Variants in AHI1 observed in about 807,000 individuals in gnomAD.
AHI1 encodes the protein jouberin.
Under a neutral mutation model 149.3 loss-of-function variants are expected in AHI1, and 123 were observed. The observed-to-expected ratio is 0.82, with a 90% CI of 0.71 to 0.96. The LOEUF is 0.96. AHI1 is among the 40% of genes least tolerant of loss of function. The pLI, the probability that AHI1 is intolerant of heterozygous loss-of-function variation, is 0.00. For synonymous variants in AHI1, 475 were observed against 459.8 expected, an observed-to-expected ratio of 1.03 and a Z score of -0.42; for missense variants, 1,439 against 1,422.7, an observed-to-expected ratio of 1.01 and a Z score of -0.18.
At chr6:135,448,754 C>T (rs578103157) in intron 11 of AHI1, among the ~76,000 whole-genome samples, 16 of 152,168 alleles carry the variant, frequency 1.1e-4, no homozygotes, top group African/African-American at 3.9e-4. Context: ...CATTACTGTG[C>T]CAGATTTCAC....
chr6:135,432,993 C>T (rs1351104612), intron 16 of AHI1, 34 bp downstream of exon 16: 1 of 1,525,496 alleles, frequency 6.6e-7, no homozygotes, highest in Non-Finnish European at 9.1e-7. Flanking sequence ...AAATTCTTCA[C>T]ATAGCTGGTC....
chr6:135,350,594 A>G (rs1376788156), intron 24 of AHI1, among the ~76,000 whole-genome samples: 1 of 152,188 alleles, frequency 6.6e-6, no homozygotes, highest in East Asian at 1.9e-4. Flanking sequence ...AAAATTCCAA[A>G]TTGGGATAAC....
intron 22 of AHI1, among the ~76,000 whole-genome samples, chr6:135,398,416 C>G (rs1779560844): frequency 6.6e-6 from 1 of 152,104 alleles, no homozygotes; most frequent in Admixed American, 6.6e-5. Context: ...CCAGAAAAAT[C>G]TTACCCCCAA....
intron 26 of AHI1, among the ~76,000 whole-genome samples, chr6:135,314,587 C>A (rs1023183140): frequency 3.3e-5 from 5 of 152,238 alleles, no homozygotes; most frequent in Non-Finnish European, 5.9e-5. Context: ...GTATCCCTTA[C>A]AGTCCTTACA....
At chr6:135,443,865 G>A (rs1786724542) in intron 13 of AHI1, among the ~76,000 whole-genome samples, 1 of 152,094 alleles carries the variant, frequency 6.6e-6, no homozygotes, top group South Asian at 2.1e-4. Context: ...GGAGAGGAGG[G>A]TAACAAGGTA....
At chr6:135,469,028 C>G (rs1166107695) in intron 5 of AHI1, among the ~76,000 whole-genome samples, 3 of 152,112 alleles carry the variant, frequency 2.0e-5, no homozygotes, top group Non-Finnish European at 2.9e-5. Context: ...CATCCGGATA[C>G]CAAAACCTGG....
intron 20 of AHI1, among the ~76,000 whole-genome samples, chr6:135,420,354 G>A (rs939617068): frequency 1.3e-5 from 2 of 152,224 alleles, no homozygotes; most frequent in South Asian, 4.1e-4. Flanking sequence ...ATACTAAGAC[G>A]TGAAAGTCAA....
chr6:135,431,639 T>A (rs779067450), intron 16 of AHI1, among the ~76,000 whole-genome samples: 1 of 152,190 alleles, frequency 6.6e-6, no homozygotes, highest in Non-Finnish European at 1.5e-5. Context: ...ATTTGAACCA[T>A]CCGACATGTA....
At chr6:135,310,158 G>C (rs1211782188) in intron 26 of AHI1, among the ~76,000 whole-genome samples, 1 of 151,908 alleles carries the variant, frequency 6.6e-6, no homozygotes, top group Non-Finnish European at 1.5e-5. Context: ...ATTTGTTGTT[G>C]GACTTAATAT....
intron 23 of AHI1, among the ~76,000 whole-genome samples, chr6:135,374,088 ATATATATATATATATATATATTT>A (rs1775480216): frequency 3.5e-5 from 1 of 28,490 alleles, no homozygotes; most frequent in Non-Finnish European, 6.6e-5. Context: ...ATACATATAT[ATATATATATATATATATATATTT>A]TTTTTTTTTT....
intron 5 of AHI1, 72 bp from the exon 6 acceptor site, chr6:135,467,706 G>T: frequency 1.9e-6 from 2 of 1,052,592 alleles, no homozygotes; most frequent in South Asian, 1.7e-5. Flanking sequence ...AATAATTAAT[G>T]TTCAACTATG....
intron 24 of AHI1, among the ~76,000 whole-genome samples, chr6:135,335,124 C>T (rs1032541537): frequency 6.6e-6 from 1 of 152,108 alleles, no homozygotes; most frequent in Admixed American, 6.6e-5. Flanking sequence ...CGAAATTAAC[C>T]TACTCTTGCT....
chr6:135,439,938 G>T (rs1053674020), intron 14 of AHI1, among the ~76,000 whole-genome samples: 2 of 152,072 alleles, frequency 1.3e-5, no homozygotes, highest in Non-Finnish European at 2.9e-5. Context: ...AAGAACACTG[G>T]CAAAAACTGG....
intron 15 of AHI1, among the ~76,000 whole-genome samples, chr6:135,434,424 A>G (rs966185726): frequency 1.3e-5 from 2 of 152,060 alleles, no homozygotes; most frequent in African/African-American, 4.8e-5. Context: ...GATGCCTATT[A>G]AAAGAAAAAA....
chr6:135,403,394 C>T (rs1282125767), intron 22 of AHI1, among the ~76,000 whole-genome samples: 2 of 152,136 alleles, frequency 1.3e-5, no homozygotes, highest in African/African-American at 2.4e-5. Context: ...GACACTGATT[C>T]ATTTCCAAAT....
intron 22 of AHI1, 101 bp downstream of exon 22, chr6:135,404,850 A>T: frequency 9.8e-7 from 1 of 1,015,496 alleles, no homozygotes; most frequent in Non-Finnish European, 1.5e-6. Flanking sequence ...ACATCAGATT[A>T]ACTCTTATAA....
intron 10 of AHI1, among the ~76,000 whole-genome samples, chr6:135,454,419 T>A (rs899623927): frequency 8.5e-5 from 13 of 152,186 alleles, no homozygotes; most frequent in Non-Finnish European, 1.5e-4. Context: ...AAATTATAAC[T>A]TATTTAACCA....
chr6:135,442,534 C>A, intron 14 of AHI1, 48 bp downstream of exon 14: 2 of 1,528,846 alleles, frequency 1.3e-6, no homozygotes, highest in African/African-American at 1.4e-5. Context: ...TAAAGAATGT[C>A]CTCCACGTGG....
At chr6:135,309,329 C>A (rs1014262274) in intron 26 of AHI1, among the ~76,000 whole-genome samples, 1 of 152,098 alleles carries the variant, frequency 6.6e-6, no homozygotes, top group Non-Finnish European at 1.5e-5. Context: ...TCCAGAATAA[C>A]ACATATTATT....
Sources: gnomAD v4.1 joint callset for allele counts (sites outside exome capture counted in the v4.1 genomes callset) on GRCh38, gnomAD v4.1.1 for gene constraint, MANE v1.5 for transcripts, NCBI Gene and HGNC (gene_info 2026-07-23, HGNC 2026-07-21) for gene names.